Variants in CLASP1 observed in about 807,000 individuals in gnomAD.
CLASP1 encodes cytoplasmic linker associated protein 1.
CLASP1 carries 38 observed loss-of-function variants against 192.3 expected under a neutral mutation model. The ratio of observed to expected loss-of-function variants is 0.20; its 90% CI spans 0.15 to 0.26. The LOEUF (loss-of-function observed/expected upper bound fraction) is 0.26. Ranked by LOEUF, CLASP1 falls within the 10% of genes least tolerant of loss-of-function variation. CLASP1 has a pLI of 1.00. For missense variants in CLASP1, 1,433 were observed against 1,932.5 expected (o/e 0.74, Z 4.85); for synonymous variants, 691 against 712.8 (o/e 0.97, Z 0.49).
intron 19 of CLASP1, among the ~76,000 whole-genome samples, chr2:121,446,025 C>T (rs1388336545): frequency 2.6e-5 from 4 of 152,172 alleles, no homozygotes; most frequent in African/African-American, 4.8e-5. Flanking sequence ...TTCTCCTTTG[C>T]TCAATGGTTA....
chr2:121,569,038 T>C (rs1180369043), intron 2 of CLASP1, among the ~76,000 whole-genome samples: 1 of 151,564 alleles, frequency 6.6e-6, no homozygotes, highest in South Asian at 2.1e-4. Context: ...TCCCTCATTA[T>C]GTTAATTTAC....
chr2:121,365,059 G>T (rs775012188), intron 36 of CLASP1, 35 bp downstream of exon 37: 18 of 1,599,890 alleles, frequency 1.1e-5, no homozygotes, highest in Non-Finnish European at 1.4e-5. Flanking sequence ...CCATTACATG[G>T]AAAGGGGCAA....
intron 2 of CLASP1, chr2:121,530,981 C>CT (rs1559534951): frequency 2.9e-6 from 2 of 700,310 alleles, no homozygotes; most frequent in South Asian, 1.5e-5. Context: ...AGAGCTTTTG[C>CT]TTTATTTTGG....
chr2:121,530,368 G>C (rs780235880), intron 2 of CLASP1, 43 bp from the exon 3 acceptor site: 29 of 1,493,524 alleles, frequency 1.9e-5, no homozygotes, highest in African/African-American at 5.6e-5. Flanking sequence ...GCCGGCCTGC[G>C]GGGCAGCGCT....
chr2:121,502,859 C>T (rs2093804135), intron 8 of CLASP1, among the ~76,000 whole-genome samples: 1 of 152,160 alleles, frequency 6.6e-6, no homozygotes, highest in Non-Finnish European at 1.5e-5. Flanking sequence ...CACAAGAGCC[C>T]AGGTAAAATA....
intron 35 of CLASP1, 68 bp from the exon 37 acceptor site, chr2:121,365,352 T>C: frequency 7.1e-7 from 1 of 1,408,108 alleles, no homozygotes; most frequent in Non-Finnish European, 9.8e-7. Flanking sequence ...TGCTCAGTGG[T>C]GCGCAGTGAT....
intron 2 of CLASP1, among the ~76,000 whole-genome samples, chr2:121,603,809 G>A (rs576701375): frequency 4.4e-4 from 67 of 152,312 alleles, no homozygotes; most frequent in African/African-American, 1.5e-3. Flanking sequence ...AGTGAAATAA[G>A]CCAGGAACAG....
In CLASP1 at chr2:121,363,151, CT is replaced by C. The variant is rs750162677; in HGVS notation, c.4206+20del. 10 of 1,613,696 alleles carry C rather than the reference CT, an allele frequency of 6.2e-6. No individual in the cohort carries two copies. The African/African-American group carries it at 9.3e-5, about 15-fold the overall frequency. On this transcript the variant is annotated intron_variant, in intron 37 of 39. Transcript: ENST00000263710. ...CTCATGACCCGTCTGTTCAGCACCC[CT>C]GGCCACATGACTGACTCACCTCCTT...
rs542508612 is a variant in CLASP1, at chr2:121,340,857, G to A, written c.*4C>T. ...TAGGTCTACACAAGAGACAGGTACT[G>A]CCATTAGCTGTGCGTGGAGACATCG... On this transcript the variant is annotated 3_prime_UTR_variant, in exon 40 of 40. Coordinates refer to ENST00000263710, the Ensembl canonical transcript of CLASP1. 9.3e-6 allele frequency: 15 copies of A among 1,608,502 alleles called. No individual in the cohort carries two copies. In the South Asian group the frequency reaches 1.7e-4, roughly 18 times the overall value.
intron 24 of CLASP1, among the ~76,000 whole-genome samples, chr2:121,408,807 C>T (rs574376906): frequency 6.6e-6 from 1 of 152,150 alleles, no homozygotes; most frequent in Non-Finnish European, 1.5e-5. Flanking sequence ...CAGAGCTTGA[C>T]ATTCAAAATA....
At chr2:121,527,316 C>A (rs896790111) in intron 5 of CLASP1, among the ~76,000 whole-genome samples, 1 of 152,108 alleles carries the variant, frequency 6.6e-6, no homozygotes, top group Non-Finnish European at 1.5e-5. Context: ...ATAAAATGAA[C>A]TATCAAATGT....
intron 39 of CLASP1, among the ~76,000 whole-genome samples, chr2:121,345,415 TACTC>T (rs1393850532): frequency 6.6e-6 from 1 of 152,218 alleles, no homozygotes; most frequent in Admixed American, 6.5e-5. Flanking sequence ...ACAACTCTCT[TACTC>T]AAGAAAAGTA....
intron 7 of CLASP1, among the ~76,000 whole-genome samples, chr2:121,508,129 T>C (rs1041366034): frequency 1.3e-5 from 2 of 152,302 alleles, no homozygotes; most frequent in Admixed American, 6.5e-5. Context: ...AGCTCTTTTC[T>C]TGTCCTACAT....
intron 22 of CLASP1, 70 bp from the exon 23 acceptor site, chr2:121,418,799 G>A (rs958279129): frequency 9.0e-6 from 10 of 1,104,994 alleles, no homozygotes; most frequent in Middle Eastern, 2.0e-4. Flanking sequence ...CTCACAAAAT[G>A]TCAGTCACAT....
chr2:121,464,036 C>T (rs1408618908), intron 9 of CLASP1, among the ~76,000 whole-genome samples: 4 of 139,952 alleles, frequency 2.9e-5, no homozygotes, highest in African/African-American at 8.1e-5. Context: ...TGATGTTCCC[C>T]TTCCTGTGTC....
chr2:121,551,321 A>G (rs1421429613), intron 2 of CLASP1, among the ~76,000 whole-genome samples: 1 of 152,210 alleles, frequency 6.6e-6, no homozygotes, highest in Non-Finnish European at 1.5e-5. Context: ...TACCACTCCT[A>G]TTCAACATAG....
At chr2:121,454,043 T>A (rs1287379635) in intron 14 of CLASP1, among the ~76,000 whole-genome samples, 2 of 152,170 alleles carry the variant, frequency 1.3e-5, no homozygotes, top group Non-Finnish European at 2.9e-5. Context: ...CAGAAATTGG[T>A]GAGGGTGGCG....
chr2:121,531,117 G>C, intron 2 of CLASP1: 2 of 634,640 alleles, frequency 3.2e-6, no homozygotes, highest in South Asian at 1.7e-5. Flanking sequence ...TGGTTTTAGT[G>C]TCGCAAGTAA....
chr2:121,387,779 G>C (rs1382182873), exon 31 of CLASP1: 1 of 1,613,960 alleles, frequency 6.2e-7, no homozygotes, highest in South Asian at 1.1e-5. Context: ...GGTGTTACTG[G>C]AATTCTTGAG....
Sources: allele counts gnomAD v4.1 joint callset (sites outside exome capture counted in the v4.1 genomes callset), GRCh38; gene constraint gnomAD v4.1.1; transcripts MANE v1.5; gene names NCBI Gene and HGNC (gene_info 2026-07-23, HGNC 2026-07-21).